Variants in RYR3 observed in about 807,000 individuals in gnomAD.
The protein encoded by RYR3 is ryanodine receptor 3.
In RYR3, 207 loss-of-function variants were observed where a neutral mutation model predicts 584.3. The ratio of observed to expected loss-of-function variants is 0.35; its 90% CI spans 0.32 to 0.40. RYR3 has a LOEUF of 0.40. Ranked by LOEUF, RYR3 falls within the 10% of genes least tolerant of loss-of-function variation. RYR3 has a pLI of 1.00. For synonymous variants in RYR3, 2,416 were observed against 2,248.5 expected (o/e 1.07, Z -2.11); for missense variants, 5,616 against 6,089.2 (o/e 0.92, Z 2.59).
chr15:33,738,333 T>G, intron 49 of RYR3, 117 bp from the exon 50 acceptor site: 1 of 1,035,798 alleles, frequency 9.7e-7, no homozygotes. Context: ...CCCAGCTGTT[T>G]CGCATGTTTC....
chr15:33,806,645 G>A (rs768893800), intron 69 of RYR3, among the ~76,000 whole-genome samples: 33 of 152,272 alleles, frequency 2.2e-4, no homozygotes, highest in Middle Eastern at 6.8e-3. Flanking sequence ...CCTAAGGCAT[G>A]TTTAAAGGTT....
At chr15:33,436,310 A>G (rs575474968) in intron 1 of RYR3, among the ~76,000 whole-genome samples, 1 of 151,868 alleles carries the variant, frequency 6.6e-6, no homozygotes, top group Admixed American at 6.6e-5. Context: ...TCTTTTTCAT[A>G]TATTTATTAG....
intron 57 of RYR3, 81 bp from the exon 58 acceptor site, chr15:33,754,984 C>A: frequency 1.4e-6 from 1 of 734,676 alleles, no homozygotes; most frequent in Non-Finnish European, 2.4e-6. Flanking sequence ...AAATTAAATT[C>A]AACACTGGTA....
intron 10 of RYR3, among the ~76,000 whole-genome samples, chr15:33,559,019 C>T (rs778287267): frequency 6.6e-6 from 1 of 152,100 alleles, no homozygotes; most frequent in Non-Finnish European, 1.5e-5. Context: ...GGCTCTGGAG[C>T]ATGGGAGTTG....
intron 60 of RYR3, among the ~76,000 whole-genome samples, chr15:33,763,892 CA>C (rs796878162): frequency 0.038 from 1,764 of 45,842 alleles, 62 homozygotes; most frequent in African/African-American, 0.13. Context: ...GACTTCATCT[CA>C]AAAAAAAAAA....
chr15:33,776,619 G>A (rs967520774), intron 64 of RYR3, among the ~76,000 whole-genome samples: 3 of 152,158 alleles, frequency 2.0e-5, no homozygotes, highest in Admixed American at 1.3e-4. Flanking sequence ...CATCACTGCT[G>A]TCTAGACCCG....
At chr15:33,569,869 C>T (rs940554773) in intron 12 of RYR3, among the ~76,000 whole-genome samples, 6 of 116,734 alleles carry the variant, frequency 5.1e-5, no homozygotes, top group African/African-American at 1.7e-4. Flanking sequence ...TTATCATGTG[C>T]TTATTAGCCA....
intron 1 of RYR3, among the ~76,000 whole-genome samples, chr15:33,439,616 A>G (rs187785264): frequency 2.6e-5 from 4 of 152,200 alleles, no homozygotes; most frequent in Non-Finnish European, 4.4e-5. Flanking sequence ...TCTTTATTCA[A>G]AATGTTTGAA....
At chr15:33,598,221 T>A (rs1595768220) in intron 16 of RYR3, among the ~76,000 whole-genome samples, 2 of 59,832 alleles carry the variant, frequency 3.3e-5, no homozygotes, top group African/African-American at 8.4e-5. Flanking sequence ...GGAATTCAGT[T>A]AACTGAGAAG....
intron 23 of RYR3, among the ~76,000 whole-genome samples, chr15:33,632,647 G>A (rs1277168001): frequency 2.0e-5 from 3 of 152,186 alleles, no homozygotes; most frequent in Non-Finnish European, 2.9e-5. Context: ...CATGCTGAAC[G>A]TGCCCATTAT....
At chr15:33,674,636 G>T (rs1043529077) in intron 38 of RYR3, among the ~76,000 whole-genome samples, 55 of 152,050 alleles carry the variant, frequency 3.6e-4, no homozygotes, top group Non-Finnish European at 5.6e-4. Flanking sequence ...GGAGGAAATG[G>T]GTATGGCTAG....
chr15:33,776,347 C>CATTT (rs2073991683), intron 64 of RYR3, among the ~76,000 whole-genome samples: 1 of 152,170 alleles, frequency 6.6e-6, no homozygotes, highest in Non-Finnish European at 1.5e-5. Flanking sequence ...ATGGTTTGTG[C>CATTT]ATTTAATCAT....
chr15:33,542,888 G>A (rs2055936594), intron 7 of RYR3, among the ~76,000 whole-genome samples: 2 of 152,128 alleles, frequency 1.3e-5, no homozygotes, highest in South Asian at 4.1e-4. Context: ...CTGCTACTAT[G>A]TTCTTTGAAT....
In RYR3 at chr15:33,827,125, G is replaced by A. The variant is rs116270248; in HGVS notation, c.11246-74G>A. On this transcript the variant is annotated intron_variant, in intron 84 of 103. Coordinates refer to ENST00000634891, the MANE Select transcript of RYR3 (RefSeq NM_001036.6). ...TTTTCACATAGAATGTCTTATCTGA[G>A]CTCAGCTGAGAGGGCATGCTTGGCC... 1.7e-4 allele frequency: 210 copies of A among 1,207,566 alleles called. No individual in the cohort carries two copies. In the African/African-American group the frequency reaches 2.7e-3, roughly 16 times the overall value. 74.8% of individuals were successfully genotyped at this position (1,207,566 alleles called of 1,614,324 possible).
intron 1 of RYR3, among the ~76,000 whole-genome samples, chr15:33,392,199 C>CAAAAAAAAAAAAAAAAAAAA (rs5811756): frequency 7.2e-6 from 1 of 138,260 alleles, no homozygotes. Context: ...GGTAAGCCCT[C>CAAAAAAAAAAAAAAAAAAAA]AAAAAAAAAA....
intron 93 of RYR3, among the ~76,000 whole-genome samples, chr15:33,845,799 C>A (rs545915178): frequency 6.6e-6 from 1 of 152,328 alleles, no homozygotes; most frequent in East Asian, 1.9e-4. Context: ...CACTCAAGAT[C>A]TCAGAAGAAA....
Position 33,813,324 on chromosome 15 carries a change from T to C in RYR3, c.10390-143T>C, listed in dbSNP as rs543184281. Reference sequence around the variant, plus strand: ...AAACCTAAGACTTTCACAACTGAAATCATCTGCTCCTGGGTGCATTTTGCT... The same window carrying C: ...AAACCTAAGACTTTCACAACTGAAACCATCTGCTCCTGGGTGCATTTTGCT... On this transcript the variant is annotated intron_variant, in intron 73 of 103. Transcript: ENST00000634891. 3.3e-5 allele frequency: 23 copies of C among 688,520 alleles called. No individual in the cohort carries two copies. In the East Asian group the frequency reaches 5.8e-4, roughly 17 times the overall value. The allele number at this position is 688,520 out of a possible 1,614,324, so 42.7% of individuals were successfully genotyped here.
At chr15:33,748,036 C>T (rs2070917306) in intron 53 of RYR3, 78 bp from the exon 54 acceptor site, 6 of 1,389,336 alleles carry the variant, frequency 4.3e-6, no homozygotes, top group Non-Finnish European at 6.1e-6. Flanking sequence ...CAGTGGGATG[C>T]ACCTTCCATG....
At chr15:33,824,222 C>G (rs2077259664) in intron 81 of RYR3, among the ~76,000 whole-genome samples, 1 of 152,142 alleles carries the variant, frequency 6.6e-6, no homozygotes, top group Non-Finnish European at 1.5e-5. Context: ...CTTAATATTG[C>G]TAAACTCATT....
Sources: allele counts gnomAD v4.1 joint callset (sites outside exome capture counted in the v4.1 genomes callset), GRCh38; gene constraint gnomAD v4.1.1; transcripts MANE v1.5; gene names NCBI Gene and HGNC (gene_info 2026-07-23, HGNC 2026-07-21).